Variants in CLDN14 observed in about 807,000 individuals in gnomAD.
CLDN14 encodes the protein claudin 14.
In CLDN14, 2 loss-of-function variants were observed where a neutral mutation model predicts 2.1. The observed-to-expected ratio is 0.96, with a 90% CI of 0.39 to 3.01. CLDN14 has a LOEUF of 3.01. CLDN14 is among the 30% of genes most tolerant of loss of function. The probability of loss-of-function intolerance (pLI) is 0.09; values close to 1 mark genes in which losing one functional copy is unlikely to be tolerated. For synonymous variants in CLDN14, 136 were observed against 154.4 expected (o/e 0.88, Z 0.88); for missense variants, 298 against 328.0 (o/e 0.91, Z 0.71).
intron 1 of CLDN14, among the ~76,000 whole-genome samples, chr21:36,570,902 C>T (rs1267169014): frequency 2.6e-5 from 4 of 152,162 alleles, no homozygotes; most frequent in Admixed American, 6.5e-5. Flanking sequence ...AGTGCAGTGG[C>T]GTGATCTTAG....
Position 36,523,817 on chromosome 21 carries a change from AAGAAAG to A in CLDN14, c.-219-13323_-219-13318del, listed in dbSNP as rs2087298123. Among the ~76,000 whole-genome samples, 2 of 143,556 alleles carry A rather than the reference AAGAAAG, an allele frequency of 1.4e-5. 1 individual carries two copies. The highest frequency in any genetic ancestry group is 3.9e-4 in the East Asian group (2 of 5,088). The allele number at this position is 143,556 out of a possible 152,430, so 94.2% of individuals were successfully genotyped here. A position where few individuals can be genotyped will look rare whatever the true frequency, so the allele number is the denominator to read the frequency against. Reference sequence around the variant, plus strand: ...AAAGAAAGAAAGAAAGAAAGAAAGAAAGAAAGAAAGAAAGAAAGAAAGAAAGTGGAT... The same window carrying A: ...AAAGAAAGAAAGAAAGAAAGAAAGAAAAAGAAAGAAAGAAAGAAAGTGGAT... On this transcript the variant is annotated intron_variant, in intron 1 of 2. Transcript: ENST00000342108.
intron 1 of CLDN14, among the ~76,000 whole-genome samples, chr21:36,518,597 T>TCAGA (rs1555850880): frequency 6.6e-6 from 1 of 150,760 alleles, no homozygotes; most frequent in Non-Finnish European, 1.5e-5. Flanking sequence ...AGACTCTGTC[T>TCAGA]CAAACAAACA....
rs1270451843 is a variant in CLDN14 at position 36,476,454 on chromosome 21, TA to T, written c.-82+3040del. On this transcript the variant is annotated intron_variant, in intron 1 of 1. Coordinates refer to ENST00000399135, the MANE Select transcript of CLDN14 (RefSeq NM_001146079.2). ...AGGCATTTATATTTTAATGGATGAC[TA>T]TTTTTTTTTTTTTTTGAGTCAGAGT... Among the ~76,000 whole-genome samples the T allele has an allele frequency of 5.1e-3, 511 of 100,080 alleles. 5 individuals carry two copies. The highest frequency in any genetic ancestry group is 0.015 in the African/African-American group (494 of 33,036). The allele number at this position is 100,080 out of a possible 152,430, so 65.7% of individuals were successfully genotyped here. A position where few individuals can be genotyped will look rare whatever the true frequency, so the allele number is the denominator to read the frequency against.
chr21:36,543,039 TCTCCCTTCCACC>T (rs2087502617), intron 1 of CLDN14, among the ~76,000 whole-genome samples: 1 of 151,992 alleles, frequency 6.6e-6, no homozygotes, highest in Non-Finnish European at 1.5e-5. Flanking sequence ...AGCACAAGGG[TCTCCCTTCCACC>T]TGGCCGGAGG....
At chr21:36,526,815 C>T (rs1422683771) in intron 1 of CLDN14, among the ~76,000 whole-genome samples, 1 of 152,084 alleles carries the variant, frequency 6.6e-6, no homozygotes, top group Admixed American at 6.6e-5. Context: ...TAGCTCAATC[C>T]ATCTCATTAC....
chr21:36,518,922 A>G (rs1487428508), intron 1 of CLDN14, among the ~76,000 whole-genome samples: 2 of 152,218 alleles, frequency 1.3e-5, no homozygotes, highest in African/African-American at 4.8e-5. Flanking sequence ...CCTCCCCGCT[A>G]GTAAAACCTA....
At chr21:36,489,134 AT>A (rs1568855486) in intron 2 of CLDN14, among the ~76,000 whole-genome samples, 73 of 85,648 alleles carry the variant, frequency 8.5e-4, no homozygotes, top group African/African-American at 3.0e-3. Context: ...AAAAAAAAAT[AT>A]ATATATATAT....
chr21:36,537,257 A>C (rs999807103), intron 1 of CLDN14, among the ~76,000 whole-genome samples: 1 of 152,148 alleles, frequency 6.6e-6, no homozygotes, highest in Non-Finnish European at 1.5e-5. Context: ...GAGAAAAAAA[A>C]ATCCAGGCTG....
chr21:36,512,614 G>A (rs1420313240), intron 1 of CLDN14, among the ~76,000 whole-genome samples: 1 of 152,224 alleles, frequency 6.6e-6, no homozygotes, highest in Non-Finnish European at 1.5e-5. Flanking sequence ...GCAGGAAAAG[G>A]TCAGTAGCAG....
At chr21:36,572,848 C>T (rs1176429406) in intron 1 of CLDN14, among the ~76,000 whole-genome samples, 1 of 152,170 alleles carries the variant, frequency 6.6e-6, no homozygotes, top group African/African-American at 2.4e-5. Flanking sequence ...AGCTCAGTTC[C>T]TGGTATATAG....
At chr21:36,538,231 G>T (rs1322749942) in intron 1 of CLDN14, among the ~76,000 whole-genome samples, 1 of 152,146 alleles carries the variant, frequency 6.6e-6, no homozygotes, top group Non-Finnish European at 1.5e-5. Context: ...GGAACCCCTA[G>T]TGTACCCCCA....
chr21:36,518,109 C>CACACACACA (rs57527435), intron 1 of CLDN14, among the ~76,000 whole-genome samples: 4 of 147,790 alleles, frequency 2.7e-5, no homozygotes, highest in African/African-American at 9.9e-5. Context: ...CACACACACA[C>CACACACACA]GACCTGTTGG....
chr21:36,518,856 A>G (rs542293603), intron 1 of CLDN14, among the ~76,000 whole-genome samples: 12 of 152,348 alleles, frequency 7.9e-5, no homozygotes, highest in African/African-American at 2.9e-4. Flanking sequence ...ACAGAGGTAC[A>G]AATCAGGACC....
chr21:36,461,351 G>A lies in CLDN14; in HGVS notation c.345C>T (p.Thr115=). ...TRCAKGTPAK[T]TFAILGGTLF... is the part of the protein sequence containing the mutation. ...GGGTGCCGCCGAGGATGGCAAAGGT[G>A]GTCTTGGCGGGTGTGCCCTTGGCGC... The change falls in exon 2 of 2, where the codon ACC becomes ACT. Residue 115 remains threonine, a synonymous_variant. Coordinates refer to ENST00000399135, the MANE Select transcript of CLDN14 (RefSeq NM_001146079.2). 1.2e-6 allele frequency: 2 copies of A among 1,613,300 alleles called. No homozygotes were observed. The highest frequency in any genetic ancestry group is 1.7e-6 in the Non-Finnish European group (2 of 1,179,928).
intron 1 of CLDN14, among the ~76,000 whole-genome samples, chr21:36,553,624 G>A (rs1363514025): frequency 6.6e-6 from 1 of 151,920 alleles, no homozygotes; most frequent in African/African-American, 2.4e-5. Flanking sequence ...ACACTTCGTG[G>A]TCAGCCAGCC....
intron 1 of CLDN14, among the ~76,000 whole-genome samples, chr21:36,543,384 A>G (rs906213678): frequency 5.9e-5 from 9 of 152,212 alleles, no homozygotes; most frequent in African/African-American, 1.9e-4. Flanking sequence ...CAAAGAAATA[A>G]CATAGTTCCC....
At chr21:36,576,027 CA>C (rs1218475899) in intron 1 of CLDN14, among the ~76,000 whole-genome samples, 1 of 152,116 alleles carries the variant, frequency 6.6e-6, no homozygotes, top group East Asian at 1.9e-4. Context: ...CTGTGTAACC[CA>C]AAATTATCCC....
intron 2 of CLDN14, among the ~76,000 whole-genome samples, chr21:36,506,961 TG>T (rs2087139051): frequency 6.6e-6 from 1 of 151,138 alleles, no homozygotes; most frequent in African/African-American, 2.4e-5. Context: ...TCTAAAAAAA[TG>T]AAAATAAAAA....
intron 1 of CLDN14, among the ~76,000 whole-genome samples, chr21:36,465,797 G>A (rs1469652157): frequency 6.6e-6 from 1 of 152,216 alleles, no homozygotes; most frequent in African/African-American, 2.4e-5. Flanking sequence ...GAGAGATACG[G>A]ATCCAAAACA....
Sources: gnomAD v4.1 joint callset for allele counts (sites outside exome capture counted in the v4.1 genomes callset) on GRCh38, gnomAD v4.1.1 for gene constraint, MANE v1.5 for transcripts, NCBI Gene and HGNC (gene_info 2026-07-23, HGNC 2026-07-21) for gene names.